CREB5: variants seen among roughly 807,000 people sequenced by gnomAD.
CREB5 encodes the protein cyclic AMP-responsive element-binding protein 5.
Under a neutral mutation model 57.1 loss-of-function variants are expected in CREB5, and 19 were observed. The ratio of observed to expected loss-of-function variants is 0.33; its 90% CI spans 0.23 to 0.49. The LOEUF (loss-of-function observed/expected upper bound fraction) is 0.49, where lower values mean the gene tolerates loss of function less well. Among genes scored for constraint, CREB5 ranks in the 20% least tolerant of loss-of-function variants. CREB5 has a pLI of 0.99. For synonymous variants in CREB5, 238 were observed against 238.3 expected (o/e 1.00, Z 0.01); for missense variants, 579 against 671.6 (o/e 0.86, Z 1.52).
intron 7 of CREB5, among the ~76,000 whole-genome samples, chr7:28,793,408 G>T (rs1807842354): frequency 6.6e-6 from 1 of 152,262 alleles, no homozygotes; most frequent in Non-Finnish European, 1.5e-5. Context: ...GGCCCTGTTG[G>T]CCAGAACACC....
chr7:28,522,000 A>G (rs1054614306), intron 4 of CREB5, among the ~76,000 whole-genome samples: 2 of 152,234 alleles, frequency 1.3e-5, no homozygotes, highest in African/African-American at 4.8e-5. Flanking sequence ...AATAAAATTC[A>G]CCATCATTCC....
intron 1 of CREB5, among the ~76,000 whole-genome samples, chr7:28,321,601 C>T (rs1189170222): frequency 6.6e-6 from 1 of 152,072 alleles, no homozygotes; most frequent in African/African-American, 2.4e-5. Context: ...GTGTTTGTGT[C>T]CAGCCTTTTG....
intron 5 of CREB5, among the ~76,000 whole-genome samples, chr7:28,633,362 A>T (rs940868573): frequency 8.3e-6 from 1 of 120,424 alleles, no homozygotes; most frequent in Non-Finnish European, 1.7e-5. Context: ...CAAGGATTCA[A>T]TCATTCATGT....
chr7:28,498,180 C>T lies in CREB5; in HGVS notation c.169+3181C>T, dbSNP rs555297030. Among the ~76,000 whole-genome samples the T allele has an allele frequency of 7.7e-4, 117 of 152,206 alleles. 1 individual carries two copies. The highest frequency in any genetic ancestry group is 6.8e-3 in the Middle Eastern group (2 of 294). ...TACCTTATCATATTTTGTGGCCTAT[C>T]ATGAAGATGAATGATTTTATATGAC... On this transcript the variant is annotated intron_variant, in intron 3 of 10. Coordinates refer to ENST00000357727, the MANE Select transcript of CREB5 (RefSeq NM_182898.4).
chr7:28,340,396 T>C (rs115848299), intron 1 of CREB5, among the ~76,000 whole-genome samples: 7,206 of 152,144 alleles, frequency 0.047, 516 homozygotes, highest in African/African-American at 0.16. Context: ...TTCAAGGCAG[T>C]GGGTTCCCTT....
chr7:28,757,630 G>A (rs1035587173), intron 7 of CREB5, among the ~76,000 whole-genome samples: 15 of 150,938 alleles, frequency 9.9e-5, no homozygotes, highest in African/African-American at 3.4e-4. Context: ...CCGAGATCAC[G>A]CCACTGCACT....
At chr7:28,449,457 C>T (rs138002107) in intron 1 of CREB5, among the ~76,000 whole-genome samples, 404 of 152,254 alleles carry the variant, frequency 2.7e-3, no homozygotes, top group Non-Finnish European at 4.7e-3. Context: ...CATCGTTTTG[C>T]GTAAGATGGA....
chr7:28,416,200 A>T (rs1001736504), intron 1 of CREB5, among the ~76,000 whole-genome samples: 7 of 152,146 alleles, frequency 4.6e-5, no homozygotes, highest in African/African-American at 1.7e-4. Flanking sequence ...TTTATATCAG[A>T]ATTCAGGTCT....
chr7:28,442,878 G>C (rs879732812), intron 1 of CREB5, among the ~76,000 whole-genome samples: 1 of 152,072 alleles, frequency 6.6e-6, no homozygotes, highest in South Asian at 2.1e-4. Flanking sequence ...AATAATTAGG[G>C]TAAATGCATA....
intron 1 of CREB5, 75 bp from the exon 2 acceptor site, chr7:28,488,100 T>C: frequency 7.4e-7 from 1 of 1,357,870 alleles, no homozygotes; most frequent in Non-Finnish European, 1.0e-6. Flanking sequence ...ATTGCCTTTC[T>C]CACGTTGCTC....
intron 6 of CREB5, among the ~76,000 whole-genome samples, chr7:28,723,492 G>A (rs1307351904): frequency 2.6e-5 from 4 of 152,078 alleles, no homozygotes; most frequent in Admixed American, 6.6e-5. Context: ...CAAAACCCTC[G>A]GCCGCTTTCT....
chr7:28,413,554 T>C (rs1338030576), intron 1 of CREB5, among the ~76,000 whole-genome samples: 2 of 152,176 alleles, frequency 1.3e-5, no homozygotes, highest in African/African-American at 4.8e-5. Context: ...ACTTAACTCA[T>C]AGTAAACATA....
intron 1 of CREB5, among the ~76,000 whole-genome samples, chr7:28,349,901 T>C (rs1313722016): frequency 6.6e-6 from 1 of 152,248 alleles, no homozygotes; most frequent in Non-Finnish European, 1.5e-5. Flanking sequence ...GGTAGCTCTG[T>C]GGAAAAGGTG....
chr7:28,685,083 C>A (rs772175522), intron 5 of CREB5, among the ~76,000 whole-genome samples: 4 of 152,166 alleles, frequency 2.6e-5, no homozygotes, highest in Non-Finnish European at 4.4e-5. Context: ...AAAAGAGACA[C>A]ACATACTGTC....
At chr7:28,729,345 A>G (rs1174579944) in intron 7 of CREB5, among the ~76,000 whole-genome samples, 4 of 152,158 alleles carry the variant, frequency 2.6e-5, no homozygotes, top group African/African-American at 4.8e-5. Context: ...GCACTGACAC[A>G]TTACTAACAG....
chr7:28,588,775 C>G (rs1258301128), intron 5 of CREB5, among the ~76,000 whole-genome samples: 1 of 152,122 alleles, frequency 6.6e-6, no homozygotes, highest in Non-Finnish European at 1.5e-5. Flanking sequence ...CTTCTCCTTG[C>G]CCCTGCTGTA....
At chr7:28,337,428 CTCCTTTATCATTATATAATGACTT>C (rs1169927456) in intron 1 of CREB5, among the ~76,000 whole-genome samples, 1 of 151,938 alleles carries the variant, frequency 6.6e-6, no homozygotes, top group Admixed American at 6.6e-5. Context: ...GCTGAATTGA[CTCCTTTATCATTATATAATGACTT>C]TCTTTGTCTC....
intron 1 of CREB5, among the ~76,000 whole-genome samples, chr7:28,451,591 T>C (rs998795523): frequency 6.6e-6 from 1 of 152,086 alleles, no homozygotes; most frequent in African/African-American, 2.4e-5. Flanking sequence ...GTTTTGAATC[T>C]GCCTAGAGGT....
intron 3 of CREB5, among the ~76,000 whole-genome samples, chr7:28,496,055 A>T (rs1792029055): frequency 6.6e-6 from 1 of 152,148 alleles, no homozygotes; most frequent in African/African-American, 2.4e-5. Flanking sequence ...GTACTTATTG[A>T]ACCTTTTTGG....
Sources: allele counts gnomAD v4.1 joint callset (sites outside exome capture counted in the v4.1 genomes callset), GRCh38; gene constraint gnomAD v4.1.1; transcripts MANE v1.5; gene names NCBI Gene and HGNC (gene_info 2026-07-23, HGNC 2026-07-21).